DNAJC6: variants seen among roughly 807,000 people sequenced by gnomAD.
DNAJC6 encodes DnaJ heat shock protein family (Hsp40) member C6.
A neutral mutation model predicts 110.0 loss-of-function variants in DNAJC6; 34 were observed. That is an observed-to-expected ratio of 0.31 (90% CI 0.24 to 0.41). DNAJC6 has a LOEUF of 0.41. Ranked by LOEUF, DNAJC6 falls within the 10% of genes least tolerant of loss-of-function variation. DNAJC6 has a pLI of 1.00. For synonymous variants in DNAJC6, 406 were observed against 437.2 expected, an observed-to-expected ratio of 0.93 and a Z score of 0.89; for missense variants, 1,031 against 1,207.8, an observed-to-expected ratio of 0.85 and a Z score of 2.17.
chr1:65,283,809 A>G (rs1653926491), intron 1 of DNAJC6, among the ~76,000 whole-genome samples: 1 of 152,206 alleles, frequency 6.6e-6, no homozygotes, highest in South Asian at 2.1e-4. Flanking sequence ...TATCCTTGCC[A>G]GCAATTGGTA....
chr1:65,411,148 TTTTGA>T, intron 17 of DNAJC6, 97 bp from the exon 18 acceptor site: 1 of 1,242,374 alleles, frequency 8.0e-7, no homozygotes, highest in Admixed American at 2.5e-5. Context: ...GCCCTAAGTG[TTTTGA>T]TGTTGCTGGA....
intron 4 of DNAJC6, among the ~76,000 whole-genome samples, chr1:65,376,321 A>G (rs942146926): frequency 1.6e-5 from 2 of 124,650 alleles, no homozygotes; most frequent in African/African-American, 5.3e-5. Context: ...GATTTTGTAT[A>G]TTGTTTCAAA....
chr1:65,395,018 C>T lies in DNAJC6; in HGVS notation c.2024C>T (p.Ser675Leu), dbSNP rs769067430. Residue 675 changes from serine to leucine, a missense_variant, in exon 13 of 19, where the codon TCG becomes TTG. Coordinates refer to ENST00000371069, the MANE Select transcript of DNAJC6 (RefSeq NM_001256864.2). ...DPFLQPTRSP[S>L]PTVHASSTPA... is the part of the protein sequence containing the mutation. ...TTTCTCCAGCCAACAAGAAGTCCTT[C>T]GCCCACAGTACATGGTAAGGAAATA... The T allele has an allele frequency of 1.6e-5, 25 of 1,610,182 alleles. No homozygotes were observed. Among genetic ancestry groups the T allele is most frequent in the African/African-American group, 4.0e-5 (3 of 74,548 alleles).
intron 1 of DNAJC6, among the ~76,000 whole-genome samples, chr1:65,291,955 T>C (rs1003320920): frequency 2.0e-5 from 3 of 152,162 alleles, no homozygotes; most frequent in Non-Finnish European, 4.4e-5. Flanking sequence ...TTTCCCACCT[T>C]CACTCCCTTT....
At chr1:65,374,427 C>T (rs1474262344) in intron 4 of DNAJC6, among the ~76,000 whole-genome samples, 1 of 151,828 alleles carries the variant, frequency 6.6e-6, no homozygotes, top group African/African-American at 2.4e-5. Flanking sequence ...GAATACCTTT[C>T]CTTTTTTTGT....
chr1:65,268,554 A>T (rs2101151874), intron 1 of DNAJC6, among the ~76,000 whole-genome samples: 1 of 152,308 alleles, frequency 6.6e-6, no homozygotes. Context: ...GAAGAAATAG[A>T]TTAAGAATTT....
chr1:65,279,004 C>A (rs1180479401), intron 1 of DNAJC6: 4 of 985,408 alleles, frequency 4.1e-6, no homozygotes, highest in Non-Finnish European at 4.8e-6. Flanking sequence ...TAAAAACAGA[C>A]ACTTTTATTT....
In DNAJC6 at chr1:65,366,192, G is replaced by A; in HGVS notation, c.539G>A (p.Ser180Asn). The A allele has an allele frequency of 6.2e-7, 1 of 1,613,354 alleles. No homozygotes were observed. The highest frequency in any genetic ancestry group is 1.7e-5 in the Admixed American group (1 of 59,948). Residue 180 changes from serine to asparagine, a missense_variant, in exon 4 of 19, where the codon AGC (serine) becomes AAC (asparagine). Transcript: ENST00000371069. Reference sequence around the variant, plus strand: ...TCTTATCGAACTGCCAAGTTTCACAGCCGGGTAAGGATTTTTAGCCCTGAG... The same window carrying A: ...TCTTATCGAACTGCCAAGTTTCACAACCGGGTAAGGATTTTTAGCCCTGAG... ...PKSYRTAKFHSRVSECSWPIR... is the reference protein window; with the variant it reads ...PKSYRTAKFHNRVSECSWPIR...
intron 1 of DNAJC6, among the ~76,000 whole-genome samples, chr1:65,339,758 G>A (rs1255390169): frequency 6.6e-6 from 1 of 152,158 alleles, no homozygotes; most frequent in Non-Finnish European, 1.5e-5. Context: ...GCCAAATGCA[G>A]GGAAAGAGGA....
At chr1:65,317,029 G>T (rs1389550101) in intron 1 of DNAJC6, among the ~76,000 whole-genome samples, 2 of 151,750 alleles carry the variant, frequency 1.3e-5, no homozygotes, top group Non-Finnish European at 1.5e-5. Context: ...TTCTTAATCG[G>T]TGTCATTAAG....
In DNAJC6 at chr1:65,386,849, T is replaced by C; in HGVS notation, c.1033T>C (p.Leu345=). ...RVQDGKIFIP[L]NITVQGDVVV... The stretch of plus-strand genomic sequence containing the variant: ...CCAAGATGGAAAAATCTTCATTCCC[T>C]TGAACATCACTGTGCAAGGAGACGT... The change falls in exon 8 of 19, where the codon TTG becomes CTG. Residue 345 remains leucine (L), a synonymous_variant. Transcript: ENST00000371069. 6.2e-7 allele frequency: 1 copy of C among 1,614,142 alleles called. No individual in the cohort carries two copies. The highest frequency in any genetic ancestry group is 8.5e-7 in the Non-Finnish European group (1 of 1,179,994).
In DNAJC6 at chr1:65,406,070, A is replaced by G; in HGVS notation, c.2428A>G (p.Asn810Asp). ...HSSPQNRPNY[N>D]VSFSAMPGGQ... ...CTCTCCCCAGAACCGACCCAACTACAACGTGAGCTTCTCAGCCATGCCTGG... is the reference window on the plus strand; with the variant it reads ...CTCTCCCCAGAACCGACCCAACTACGACGTGAGCTTCTCAGCCATGCCTGG... The change falls in exon 16 of 19, where the codon AAC becomes GAC. Residue 810 changes from asparagine (N) to aspartate (D), a missense_variant. By Grantham distance (23) the Asn-to-Asp change is conservative. Coordinates refer to ENST00000371069, the MANE Select transcript of DNAJC6 (RefSeq NM_001256864.2). The G allele has an allele frequency of 6.2e-7, 1 of 1,614,204 alleles. No homozygotes were observed. Among genetic ancestry groups the G allele is most frequent in the African/African-American group, 1.3e-5 (1 of 75,062 alleles).
At chr1:65,336,057 G>A (rs1645332889) in intron 1 of DNAJC6, among the ~76,000 whole-genome samples, 2 of 152,232 alleles carry the variant, frequency 1.3e-5, no homozygotes, top group African/African-American at 4.8e-5. Context: ...GTATTAGTCT[G>A]TTCTCATGCT....
intron 1 of DNAJC6, among the ~76,000 whole-genome samples, chr1:65,284,833 C>A (rs1653963876): frequency 6.6e-6 from 1 of 152,014 alleles, no homozygotes; most frequent in Non-Finnish European, 1.5e-5. Context: ...GAATTACAGG[C>A]ACCCACCACC....
chr1:65,375,525 A>G (rs1230571862), intron 4 of DNAJC6, among the ~76,000 whole-genome samples: 1 of 151,320 alleles, frequency 6.6e-6, no homozygotes, highest in African/African-American at 2.4e-5. Flanking sequence ...TCATGGGTTC[A>G]CGCCATTCTT....
intron 5 of DNAJC6, among the ~76,000 whole-genome samples, chr1:65,382,468 A>G (rs1253242726): frequency 6.6e-6 from 1 of 152,232 alleles, no homozygotes; most frequent in Non-Finnish European, 1.5e-5. Context: ...TCTTAGAATT[A>G]TAAGGGTCAC....
chr1:65,317,375 T>C (rs1209382545), intron 1 of DNAJC6, among the ~76,000 whole-genome samples: 1 of 152,254 alleles, frequency 6.6e-6, no homozygotes, highest in Non-Finnish European at 1.5e-5. Flanking sequence ...AATTAGGAAG[T>C]TCCATAACAT....
At chr1:65,410,710 G>A (rs192729508) in intron 17 of DNAJC6, among the ~76,000 whole-genome samples, 66 of 152,256 alleles carry the variant, frequency 4.3e-4, no homozygotes, top group Non-Finnish European at 7.9e-4. Context: ...GTCAATTCAC[G>A]TAACAAGCCT....
At chr1:65,336,551 A>G (rs536098792) in intron 1 of DNAJC6, among the ~76,000 whole-genome samples, 50 of 152,342 alleles carry the variant, frequency 3.3e-4, no homozygotes, top group Non-Finnish European at 6.2e-4. Context: ...AGCTTCGACA[A>G]TTATCCACTA....
Sources: gnomAD v4.1 joint callset for allele counts (sites outside exome capture counted in the v4.1 genomes callset) on GRCh38, gnomAD v4.1.1 for gene constraint, MANE v1.5 for transcripts, NCBI Gene and HGNC (gene_info 2026-07-23, HGNC 2026-07-21) for gene names.